Variants in IQCM observed in about 807,000 individuals in gnomAD.
IQCM encodes the protein IQ motif containing M.
A neutral mutation model predicts 57.6 loss-of-function variants in IQCM; 45 were observed. That is an observed-to-expected ratio of 0.78 (90% CI 0.62 to 1.00). IQCM has a LOEUF of 1.00. Ranked by LOEUF, IQCM falls within the 50% of genes least tolerant of loss-of-function variation. The probability of loss-of-function intolerance (pLI) is 0.00; values close to 1 mark genes in which losing one functional copy is unlikely to be tolerated. For synonymous variants in IQCM, 148 were observed against 158.9 expected (o/e 0.93, Z 0.51); for missense variants, 468 against 511.6 (o/e 0.91, Z 0.82).
intron 13 of IQCM, among the ~76,000 whole-genome samples, chr4:149,399,389 G>T (rs554962439): frequency 4.2e-4 from 64 of 151,868 alleles, no homozygotes; most frequent in Non-Finnish European, 7.9e-4. Context: ...GGAAGAATAG[G>T]GAACACAGGA....
intron 12 of IQCM, among the ~76,000 whole-genome samples, chr4:149,524,906 T>C (rs986483398): frequency 2.6e-5 from 4 of 151,744 alleles, no homozygotes; most frequent in East Asian, 3.9e-4. Flanking sequence ...ATTAAAAATT[T>C]CCTAAAACTA....
chr4:149,382,052 A>G (rs1372917644), intron 13 of IQCM, among the ~76,000 whole-genome samples: 1 of 152,152 alleles, frequency 6.6e-6, no homozygotes, highest in Non-Finnish European at 1.5e-5. Context: ...GGCATGAGCC[A>G]TCGTGCCTGG....
intron 10 of IQCM, among the ~76,000 whole-genome samples, chr4:149,555,295 G>A (rs1343288508): frequency 6.6e-6 from 1 of 152,114 alleles, no homozygotes; most frequent in Non-Finnish European, 1.5e-5. Context: ...CTTAGTGGGA[G>A]GCAGAACTCA....
intron 13 of IQCM, among the ~76,000 whole-genome samples, chr4:149,408,996 T>C (rs1308960861): frequency 6.6e-6 from 1 of 152,226 alleles, no homozygotes; most frequent in Non-Finnish European, 1.5e-5. Flanking sequence ...CAAATACTTC[T>C]ATTTTCCAAA....
intron 13 of IQCM, among the ~76,000 whole-genome samples, chr4:149,431,570 C>T (rs1322247089): frequency 6.6e-6 from 1 of 151,858 alleles, no homozygotes; most frequent in Admixed American, 6.6e-5. Context: ...ATTATGTCAT[C>T]GCTATCATAA....
intron 13 of IQCM, among the ~76,000 whole-genome samples, chr4:149,367,409 T>C (rs188838678): frequency 1.8e-4 from 27 of 152,126 alleles, no homozygotes; most frequent in Non-Finnish European, 7.4e-5. Flanking sequence ...ATAATGCTTA[T>C]TCTTGTTTTA....
chr4:149,601,217 AGAATCTT>A (rs1475173909), intron 8 of IQCM, among the ~76,000 whole-genome samples: 3 of 154 alleles, frequency 0.019, no homozygotes, highest in Admixed American at 0.062. Flanking sequence ...TTAGAAGATT[AGAATCTT>A]TCTAACAAAT....
chr4:149,730,362 C>A (rs920378587), intron 5 of IQCM, among the ~76,000 whole-genome samples: 2 of 152,160 alleles, frequency 1.3e-5, no homozygotes, highest in African/African-American at 4.8e-5. Context: ...TAAAATCCAT[C>A]ATACCCCATC....
intron 12 of IQCM, among the ~76,000 whole-genome samples, chr4:149,449,750 A>C (rs2111393633): frequency 6.6e-6 from 1 of 151,934 alleles, no homozygotes; most frequent in South Asian, 2.1e-4. Context: ...ATGGATTGAA[A>C]GAATCAGTTT....
At chr4:149,486,740 C>T (rs142480737) in intron 12 of IQCM, among the ~76,000 whole-genome samples, 3,211 of 152,136 alleles carry the variant, frequency 0.021, 114 homozygotes, top group African/African-American at 0.073. Flanking sequence ...AGTAAGACTC[C>T]GTCTCCAAAA....
In IQCM at chr4:149,714,627, A is replaced by G. The variant is rs567195538; in HGVS notation, c.385+18617T>C. 5.1e-4 allele frequency among the ~76,000 whole-genome samples: 77 copies of G among 152,322 alleles called. 1 individual carries two copies. The highest frequency in any genetic ancestry group is 1.4e-3 in the Admixed American group (22 of 15,294). On this transcript the variant is annotated intron_variant, in intron 5 of 13. Transcript: ENST00000636793. ...ATGTACCATGTTTGTTCCTATACATACATACATACCTATGATAAAATTTAT... is the reference window on the plus strand; with the variant it reads ...ATGTACCATGTTTGTTCCTATACATGCATACATACCTATGATAAAATTTAT...
chr4:149,484,161 C>T (rs897545060), intron 12 of IQCM, among the ~76,000 whole-genome samples: 16 of 151,812 alleles, frequency 1.1e-4, no homozygotes, highest in Non-Finnish European at 1.5e-4. Flanking sequence ...TCTTTCCATC[C>T]CTGAAATACA....
intron 9 of IQCM, among the ~76,000 whole-genome samples, chr4:149,583,905 T>C (rs1752434052): frequency 1.3e-5 from 2 of 151,372 alleles, no homozygotes; most frequent in Admixed American, 6.6e-5. Flanking sequence ...AGAGAAAATA[T>C]ATTAATAAAG....
chr4:149,454,953 TGCAC>T (rs1469775684), intron 12 of IQCM, among the ~76,000 whole-genome samples: 2 of 151,994 alleles, frequency 1.3e-5, no homozygotes, highest in Non-Finnish European at 2.9e-5. Context: ...TGGTGATGGT[TGCAC>T]GACTCTGTGA....
rs145916421 is a variant in IQCM, at chr4:149,566,446, T to C, written c.750-2556A>G. Among the ~76,000 whole-genome samples the C allele has an allele frequency of 6.5e-4, 99 of 152,180 alleles. No individual in the cohort carries two copies. The East Asian group carries it at 0.012, about 18-fold the overall frequency. ...CAGTCTTCTGGTCTCCTAAGTTGCC[T>C]TGAAAGGCACAGTTTTTAATCCTCT... On this transcript the variant is annotated intron_variant, in intron 9 of 13. Transcript: ENST00000636793.
At chr4:149,745,870 G>A (rs1303258714) in intron 2 of IQCM, among the ~76,000 whole-genome samples, 2 of 152,032 alleles carry the variant, frequency 1.3e-5, no homozygotes, top group African/African-American at 4.8e-5. Flanking sequence ...TCTACTGGAG[G>A]CTGAGGTGGG....
In IQCM at chr4:149,431,427, C is replaced by T. The variant is rs182850547; in HGVS notation, c.1390+1969G>A. ...TTTCCCTATGACTAATGACGGTACACATCTTCTTATGGACTTTTTGGCCAT... is the reference window on the plus strand; with the variant it reads ...TTTCCCTATGACTAATGACGGTACATATCTTCTTATGGACTTTTTGGCCAT... On this transcript the variant is annotated intron_variant, in intron 13 of 13. Transcript: ENST00000636793. Among the ~76,000 whole-genome samples the T allele has an allele frequency of 1.9e-3, 288 of 152,008 alleles. 4 individuals carry two copies. Among genetic ancestry groups the T allele is most frequent in the African/African-American group, 6.7e-3 (277 of 41,500 alleles).
At chr4:149,636,243 G>A (rs1176881420) in intron 7 of IQCM, among the ~76,000 whole-genome samples, 2 of 152,186 alleles carry the variant, frequency 1.3e-5, no homozygotes, top group Non-Finnish European at 2.9e-5. Flanking sequence ...CAAAGAGGAA[G>A]AGATGGCCAC....
chr4:149,603,880 C>T lies in IQCM; in HGVS notation c.682-15883G>A, dbSNP rs114358308. 3.0e-3 allele frequency among the ~76,000 whole-genome samples: 464 copies of T among 152,180 alleles called. 4 individuals carry two copies. Among genetic ancestry groups the T allele is most frequent in the Middle Eastern group, 0.01 (3 of 294 alleles). On this transcript the variant is annotated intron_variant, in intron 8 of 13. Transcript: ENST00000636793. ...AATATTATAGCTGTGTTTTTCACTG[C>T]TTTTGAACTATGTGTATATGCACAC...
Sources: gnomAD v4.1 joint callset for allele counts (sites outside exome capture counted in the v4.1 genomes callset) on GRCh38, gnomAD v4.1.1 for gene constraint, MANE v1.5 for transcripts, NCBI Gene and HGNC (gene_info 2026-07-23, HGNC 2026-07-21) for gene names.